Variants in SLC7A5 observed in about 807,000 individuals in gnomAD.
SLC7A5 encodes solute carrier family 7 member 5.
Under a neutral mutation model 50.2 loss-of-function variants are expected in SLC7A5, and 23 were observed. The ratio of observed to expected loss-of-function variants is 0.46; its 90% confidence interval spans 0.33 to 0.65. SLC7A5 has a LOEUF of 0.65. Among genes scored for constraint, SLC7A5 ranks in the 30% least tolerant of loss-of-function variants. SLC7A5 has a pLI of 0.02. For synonymous variants in SLC7A5, 393 were observed against 330.6 expected, an observed-to-expected ratio of 1.19 and a Z score of -2.05; for missense variants, 578 against 684.4, an observed-to-expected ratio of 0.84 and a Z score of 1.73.
In SLC7A5 at chr16:87,843,765, G is replaced by A. The variant is rs539537658; in HGVS notation, c.665-2610C>T. ...TGCTGCTGGATGTCCTGCAATGCAC[G>A]GGACACCCCCACACAACAGAGAGCC... On this transcript the variant is annotated intron_variant, in intron 2 of 9. Transcript: ENST00000261622. Among the ~76,000 whole-genome samples, 4 of 152,252 alleles carry A rather than the reference G, an allele frequency of 2.6e-5. No individual in the cohort carries two copies. The South Asian group carries it at 6.2e-4, about 24-fold the overall frequency.
At chr16:87,854,386 C>T (rs919686250) in intron 1 of SLC7A5, among the ~76,000 whole-genome samples, 1 of 152,142 alleles carries the variant, frequency 6.6e-6, no homozygotes, top group Non-Finnish European at 1.5e-5. Context: ...CTTTTTTTTA[C>T]GTTTTAAGAT....
chr16:87,836,893 G>C, intron 7 of SLC7A5: 4 of 480,818 alleles, frequency 8.3e-6, no homozygotes, highest in East Asian at 4.0e-5. Context: ...GGGAAGGAGG[G>C]AGGAGAGGAG....
At chr16:87,837,763 C>G in intron 7 of SLC7A5, 82 bp downstream of exon 7, 1 of 1,162,020 alleles carries the variant, frequency 8.6e-7, no homozygotes, top group East Asian at 2.5e-5. Context: ...CCAGACAGAG[C>G]TGCAAGCTGT....
rs2055395726 is a variant in SLC7A5, at chr16:87,861,344, AC to A, written c.538+7540del. Among the ~76,000 whole-genome samples the A allele has an allele frequency of 6.6e-6, 1 of 152,060 alleles. No homozygotes were observed. The highest frequency in any genetic ancestry group is 2.1e-4 in the South Asian group (1 of 4,826). On this transcript the variant is annotated intron_variant, in intron 1 of 9. Coordinates refer to ENST00000261622, the MANE Select transcript of SLC7A5 (RefSeq NM_003486.7). This position sits in a 1 kb window ranked among gnomAD's most constrained non-coding sequence, Gnocchi z 4.2. ...CCCACCTGTGTCCTTACCTGGGCCGACTGGGCCACCCAGTCTTGCTGACTGA... is the reference window on the plus strand; with the variant it reads ...CCCACCTGTGTCCTTACCTGGGCCGATGGGCCACCCAGTCTTGCTGACTGA...
At chr16:87,848,863 G>A (rs1206047371) in intron 2 of SLC7A5, among the ~76,000 whole-genome samples, 2 of 152,162 alleles carry the variant, frequency 1.3e-5, no homozygotes, top group Non-Finnish European at 2.9e-5. Flanking sequence ...ATGGTTCTGC[G>A]GATGGCCAAC....
chr16:87,854,083 C>A (rs1267284207), intron 1 of SLC7A5: 3 of 140,792 alleles, frequency 2.1e-5, no homozygotes, highest in Non-Finnish European at 4.7e-5. Context: ...CCCCCCCCCC[C>A]ACCGCCAGCC....
At position 87,862,217 on chromosome 16, in the gene SLC7A5, G is replaced by A. The variant is rs570501831; in HGVS notation, c.538+6668C>T. 3.3e-5 allele frequency among the ~76,000 whole-genome samples: 5 copies of A among 152,282 alleles called. No individual in the cohort carries two copies. The highest frequency in any genetic ancestry group is 4.1e-4 in the South Asian group (2 of 4,832). ...GGTTACAGGTGCTGGATACCCCAGCGGTTGGGGGGGTGGTGCTGGACACCC... is the reference window on the plus strand; with the variant it reads ...GGTTACAGGTGCTGGATACCCCAGCAGTTGGGGGGGTGGTGCTGGACACCC... On this transcript the variant is annotated intron_variant, in intron 1 of 9. Coordinates refer to ENST00000261622, the MANE Select transcript of SLC7A5 (RefSeq NM_003486.7). The surrounding 1 kb of genome is among the most constrained non-coding windows in gnomAD (Gnocchi z 5.3).
At chr16:87,863,761 G>A (rs1455418165) in intron 1 of SLC7A5, 1 of 151,742 alleles carries the variant, frequency 6.6e-6, no homozygotes, top group Non-Finnish European at 1.5e-5. Flanking sequence ...CCTTCTGTGG[G>A]ACGTGCCTGG....
chr16:87,864,003 A>ATATATATATATATATATATATATATC, intron 1 of SLC7A5, among the ~76,000 whole-genome samples: 1 of 141,646 alleles, frequency 7.1e-6, no homozygotes, highest in East Asian at 2.0e-4. Context: ...ATATATATAT[A>ATATATATATATATATATATATATATC]TATATCAGCC....
rs1435172186 is a variant in SLC7A5 at position 87,849,551 on chromosome 16, G to C, written c.664+2173C>G. ...TAAATCTTTCCTGGCTATCTGATGA[G>C]CGCAGCCAAGCAAAGGCCTTCACGA... On this transcript the variant is annotated intron_variant, in intron 2 of 9. Coordinates refer to ENST00000261622, the MANE Select transcript of SLC7A5 (RefSeq NM_003486.7). Among the ~76,000 whole-genome samples the C allele has an allele frequency of 3.3e-5, 5 of 152,328 alleles. No individual in the cohort carries two copies. The East Asian group carries it at 7.7e-4, about 24-fold the overall frequency.
At position 87,840,410 on chromosome 16, in the gene SLC7A5, C is replaced by T; in HGVS notation, c.815+19G>A. 3.7e-6 allele frequency: 6 copies of T among 1,600,916 alleles called. No homozygotes were observed. The highest frequency in any genetic ancestry group is 4.3e-6 in the Non-Finnish European group (5 of 1,167,940). The stretch of plus-strand genomic sequence containing the variant: ...TTAAAATAATGAAAAAAGACGGCTC[C>T]ATCCATTCTTGCACGTACCTGTAGG... On this transcript the variant is annotated intron_variant, in intron 4 of 9. Transcript: ENST00000261622.
intron 8 of SLC7A5, among the ~76,000 whole-genome samples, chr16:87,836,213 C>T (rs918342486): frequency 3.3e-5 from 5 of 152,254 alleles, no homozygotes; most frequent in East Asian, 1.9e-4. Context: ...GGCTCACCAC[C>T]GCCCACCTAT....
chr16:87,832,958 T>G lies in SLC7A5; in HGVS notation c.*12A>C. ...CTGCGCATGCTCCTCCGGCAGCCAC[T>G]CGGCCTCCTGGCTATGTCTCCTGGG... On this transcript the variant is annotated 3_prime_UTR_variant, in exon 10 of 10. Transcript: ENST00000261622. The surrounding 1 kb of genome is among the most constrained non-coding windows in gnomAD (Gnocchi z 4.6). The G allele has an allele frequency of 3.1e-6, 5 of 1,611,186 alleles. No homozygotes were observed. Among genetic ancestry groups the G allele is most frequent in the Non-Finnish European group, 3.4e-6 (4 of 1,177,506 alleles).
intron 4 of SLC7A5, among the ~76,000 whole-genome samples, 166 bp downstream of exon 4, chr16:87,840,263 C>G (rs916809721): frequency 1.3e-5 from 2 of 152,252 alleles, no homozygotes; most frequent in Admixed American, 6.5e-5. Context: ...CAAGGACACA[C>G]GGCCAGAAGC....
In SLC7A5 at chr16:87,869,134, T is replaced by C. The variant is rs1226801263; in HGVS notation, c.289A>G (p.Ile97Val). The C allele has an allele frequency of 1.9e-6, 3 of 1,611,784 alleles. No homozygotes were observed. The highest frequency in any genetic ancestry group is 2.5e-6 in the Non-Finnish European group (3 of 1,179,754). ...TCCGCGTAGCAGAGCGCGCCCACGA[T>C]GGAGAAGACGCCGCACGCGGCCCAC... ...VVWAACGVFS[I>V]VGALCYAELG... is the part of the protein sequence containing the mutation. The change falls in exon 1 of 10, where the codon ATC (isoleucine) becomes GTC (valine). Residue 97 changes from isoleucine (I) to valine (V), a missense_variant. Ile to Val is a conservative substitution (Grantham distance 29, BLOSUM62 3). Coordinates refer to ENST00000261622, the MANE Select transcript of SLC7A5 (RefSeq NM_003486.7).
At chr16:87,858,197 G>A (rs978056689) in intron 1 of SLC7A5, among the ~76,000 whole-genome samples, 3 of 152,224 alleles carry the variant, frequency 2.0e-5, no homozygotes, top group Non-Finnish European at 4.4e-5. Context: ...TGCAGGGACT[G>A]AGCCTCCCTT....
At chr16:87,837,988 A>C in intron 6 of SLC7A5, 47 bp from the exon 7 acceptor site, 2 of 1,420,500 alleles carry the variant, frequency 1.4e-6, no homozygotes, top group Non-Finnish European at 2.0e-6. Flanking sequence ...CCCACAACTC[A>C]GCACGTGGAC....
At position 87,853,031 on chromosome 16, in the gene SLC7A5, A is replaced by T. The variant is rs1320651452; in HGVS notation, c.539-1182T>A. ...AGCACGGGCCACCCACACAGCTCAG[A>T]TCTCACAGCCCTCCCGGCACCGCAC... On this transcript the variant is annotated intron_variant, in intron 1 of 9. Coordinates refer to ENST00000261622, the MANE Select transcript of SLC7A5 (RefSeq NM_003486.7). The surrounding 1 kb of genome is among the most constrained non-coding windows in gnomAD (Gnocchi z 4.4). Among the ~76,000 whole-genome samples the T allele has an allele frequency of 6.6e-6, 1 of 152,156 alleles. No homozygotes were observed. Among genetic ancestry groups the T allele is most frequent in the Non-Finnish European group, 1.5e-5 (1 of 68,030 alleles).
At chr16:87,859,039 C>A (rs980429546) in intron 1 of SLC7A5, among the ~76,000 whole-genome samples, 2 of 152,256 alleles carry the variant, frequency 1.3e-5, no homozygotes, top group Admixed American at 6.5e-5. Context: ...CTGCCCTGCC[C>A]TCCTCACCTG....
Sources: gnomAD v4.1 joint callset for allele counts (sites outside exome capture counted in the v4.1 genomes callset) on GRCh38, gnomAD v4.1.1 for gene constraint, Gnocchi (gnomAD v3.1) non-coding constraint, MANE v1.5 for transcripts, NCBI Gene and HGNC (gene_info 2026-07-23, HGNC 2026-07-21) for gene names.